LSM14A: variants seen among roughly 807,000 people sequenced by gnomAD.
LSM14A encodes protein LSM14 homolog A.
LSM14A carries 14 observed loss-of-function variants against 52.4 expected under a neutral mutation model. The observed-to-expected ratio is 0.27, with a 90% CI of 0.18 to 0.42. The LOEUF is 0.42. LSM14A is among the 10% of genes least tolerant of loss of function. LSM14A has a pLI of 1.00. For missense variants in LSM14A, 417 were observed against 581.8 expected (o/e 0.72, Z 2.91); for synonymous variants, 185 against 200.3 (o/e 0.92, Z 0.64).
chr19:34,216,597 T>C lies in LSM14A; in HGVS notation c.781+936T>C, dbSNP rs1297571782. On this transcript the variant is annotated intron_variant, in intron 6 of 9. Coordinates refer to ENST00000544216, the MANE Select transcript of LSM14A (RefSeq NM_015578.4). ...GCCTCAGCCTCCCTAGTAGCTGGGA[T>C]TACAGCCGCGTGCCACCATACCCAG... is the stretch of plus-strand genomic sequence containing the variant. Among the ~76,000 whole-genome samples, 12 of 152,014 alleles carry C rather than the reference T, an allele frequency of 7.9e-5. No homozygotes were observed. In the East Asian group the frequency reaches 2.4e-3, roughly 30 times the overall value.
chr19:34,175,835 GTTTGT>G (rs1040253775), intron 1 of LSM14A, among the ~76,000 whole-genome samples: 61 of 151,236 alleles, frequency 4.0e-4, no homozygotes, highest in African/African-American at 1.4e-3. Flanking sequence ...AGCCAAAAGT[GTTTGT>G]TTTGTTTTGT....
chr19:34,226,396 TTTAC>T, intron 9 of LSM14A: 3 of 1,484,096 alleles, frequency 2.0e-6, no homozygotes, highest in East Asian at 2.6e-5. Context: ...TTTTTTTTTT[TTTAC>T]CTTTCAGAAA....
chr19:34,215,551 A>T, intron 5 of LSM14A, 45 bp from the exon 6 acceptor site: 1 of 1,458,814 alleles, frequency 6.9e-7, no homozygotes, highest in Non-Finnish European at 9.6e-7. Context: ...GTTTTTGATG[A>T]TGTACCCTGA....
chr19:34,224,689 A>C (rs376957853), intron 9 of LSM14A, among the ~76,000 whole-genome samples: 1 of 152,136 alleles, frequency 6.6e-6, no homozygotes, highest in African/African-American at 2.4e-5. Flanking sequence ...CTCATTCCTC[A>C]TTACCCTTTA....
In LSM14A at chr19:34,215,138, C is replaced by G; in HGVS notation, c.553C>G (p.Gln185Glu). ...TTACATTTTAGGTCGCTCAAGCCCT[C>G]AGTTAGACCCTTTGAGAAAAAGCCC... The part of the protein sequence containing the change: ...TQLSQGRSSP[Q>E]LDPLRKSPTM... Residue 185 changes from glutamine to glutamate, a missense_variant, in exon 5 of 10, where the codon CAG (glutamine) becomes GAG (glutamate). By Grantham distance (29) the Gln-to-Glu change is conservative. This residue lies in a region of LSM14A where 357 missense variants were observed against 457.0 expected (regional missense o/e 0.78). Transcript: ENST00000544216. 1 of 1,612,244 alleles carries G rather than the reference C, an allele frequency of 6.2e-7. No homozygotes were observed. The highest frequency in any genetic ancestry group is 1.1e-5 in the South Asian group (1 of 90,714).
intron 3 of LSM14A, among the ~76,000 whole-genome samples, chr19:34,199,691 G>A (rs955729738): frequency 6.6e-6 from 1 of 152,158 alleles, no homozygotes; most frequent in Non-Finnish European, 1.5e-5. Context: ...GACACATGTA[G>A]ACTCAGCTCT....
intron 9 of LSM14A, among the ~76,000 whole-genome samples, chr19:34,225,282 C>G (rs1331602932): frequency 3.3e-5 from 5 of 152,176 alleles, no homozygotes; most frequent in Non-Finnish European, 7.3e-5. Context: ...ATAATCCTTT[C>G]ATCTGCCACT....
At chr19:34,209,375 A>AAT (rs1255297427) in intron 4 of LSM14A, among the ~76,000 whole-genome samples, 2 of 152,230 alleles carry the variant, frequency 1.3e-5, no homozygotes. Context: ...AAGTTGAGCT[A>AAT]TCCAAGATGA....
intron 1 of LSM14A, among the ~76,000 whole-genome samples, chr19:34,181,249 A>G (rs2069460413): frequency 6.6e-6 from 1 of 152,180 alleles, no homozygotes; most frequent in Non-Finnish European, 1.5e-5. Context: ...GTCTGCTTAC[A>G]GATAGGCAGT....
chr19:34,207,660 T>C (rs1243462007), intron 3 of LSM14A, among the ~76,000 whole-genome samples: 1 of 151,838 alleles, frequency 6.6e-6, no homozygotes, highest in Non-Finnish European at 1.5e-5. Context: ...GCCTCCTGAG[T>C]AGCTGGGACT....
At chr19:34,181,383 A>G (rs893629168) in intron 1 of LSM14A, among the ~76,000 whole-genome samples, 6 of 152,220 alleles carry the variant, frequency 3.9e-5, no homozygotes, top group South Asian at 2.1e-4. Flanking sequence ...GAAGTTGTCT[A>G]CACCACTGGT....
chr19:34,200,523 TC>T (rs1242876736), intron 3 of LSM14A, among the ~76,000 whole-genome samples: 5 of 152,176 alleles, frequency 3.3e-5, no homozygotes, highest in African/African-American at 1.2e-4. Flanking sequence ...TTTTAGCCTC[TC>T]TAAACAAAAG....
intron 1 of LSM14A, among the ~76,000 whole-genome samples, chr19:34,189,877 T>A (rs1042119043): frequency 1.3e-5 from 2 of 152,208 alleles, no homozygotes; most frequent in African/African-American, 4.8e-5. Flanking sequence ...TTTAGAACTT[T>A]CCCTTTAAAA....
At chr19:34,207,054 A>G (rs562785654) in intron 3 of LSM14A, among the ~76,000 whole-genome samples, 4 of 152,364 alleles carry the variant, frequency 2.6e-5, no homozygotes, top group African/African-American at 9.6e-5. Flanking sequence ...GAGGTGTTGC[A>G]GCAGCTGTTT....
At chr19:34,193,996 C>T (rs2070656918) in intron 1 of LSM14A, among the ~76,000 whole-genome samples, 1 of 152,078 alleles carries the variant, frequency 6.6e-6, no homozygotes, top group Non-Finnish European at 1.5e-5. Context: ...AATAGCAAGA[C>T]CTCATCTCTA....
chr19:34,211,605 A>G (rs2072158064), intron 4 of LSM14A, among the ~76,000 whole-genome samples: 1 of 152,108 alleles, frequency 6.6e-6, no homozygotes, highest in South Asian at 2.1e-4. Flanking sequence ...TGAGCAACGT[A>G]GTGAAACTTC....
At chr19:34,218,304 C>T (rs1156817922) in intron 6 of LSM14A, among the ~76,000 whole-genome samples, 2 of 152,092 alleles carry the variant, frequency 1.3e-5, no homozygotes, top group African/African-American at 4.8e-5. Flanking sequence ...GCGCCTGGCC[C>T]CAAAATATTT....
chr19:34,185,684 T>C (rs1350603717), intron 1 of LSM14A, among the ~76,000 whole-genome samples: 2 of 152,230 alleles, frequency 1.3e-5, no homozygotes, highest in African/African-American at 4.8e-5. Flanking sequence ...TTCCTTGTTG[T>C]ATTAAATCCA....
At chr19:34,192,319 G>GTTGTTGTTTTTTTTTTTT (rs60512063) in intron 1 of LSM14A, among the ~76,000 whole-genome samples, 2 of 53,408 alleles carry the variant, frequency 3.7e-5, no homozygotes, top group African/African-American at 1.6e-4. Context: ...TCTTTTTGTT[G>GTTGTTGTTTTTTTTTTTT]TTTTTTTTTT....
Sources: allele counts gnomAD v4.1 joint callset (sites outside exome capture counted in the v4.1 genomes callset), GRCh38; gene constraint gnomAD v4.1.1; regional missense constraint gnomAD v4.1.1; transcripts MANE v1.5; gene names NCBI Gene and HGNC (gene_info 2026-07-23, HGNC 2026-07-21).